RAB11FIP4: variants seen among roughly 807,000 people sequenced by gnomAD.
RAB11FIP4 encodes the protein rab11 family-interacting protein 4.
A neutral mutation model predicts 74.3 loss-of-function variants in RAB11FIP4; 23 were observed. The ratio of observed to expected loss-of-function variants is 0.31; its 90% CI spans 0.22 to 0.44. The LOEUF (loss-of-function observed/expected upper bound fraction) is 0.44, where lower values mean the gene tolerates loss of function less well. RAB11FIP4 is among the 20% of genes least tolerant of loss of function. The probability of loss-of-function intolerance (pLI) is 1.00; values close to 1 mark genes in which losing one functional copy is unlikely to be tolerated. For missense variants in RAB11FIP4, 630 were observed against 863.9 expected (o/e 0.73, Z 3.39); for synonymous variants, 360 against 359.9 (o/e 1.00, Z 0.00).
intron 3 of RAB11FIP4, among the ~76,000 whole-genome samples, chr17:31,466,342 G>A (rs2071686190): frequency 6.6e-6 from 1 of 152,182 alleles, no homozygotes; most frequent in Non-Finnish European, 1.5e-5. Context: ...TGACCTTAAT[G>A]TGTTTCTTCC....
chr17:31,488,183 C>T, intron 3 of RAB11FIP4: 1 of 1,082,372 alleles, frequency 9.2e-7, no homozygotes. Context: ...CGCCGCGTCC[C>T]CGCGCGCCGC....
intron 3 of RAB11FIP4, among the ~76,000 whole-genome samples, chr17:31,452,604 G>C (rs2071536814): frequency 6.6e-6 from 1 of 152,172 alleles, no homozygotes. Context: ...GTAACTTGCA[G>C]GTCCTGTGCC....
intron 1 of RAB11FIP4, among the ~76,000 whole-genome samples, chr17:31,403,920 G>A (rs567953241): frequency 7.9e-4 from 121 of 152,274 alleles, no homozygotes; most frequent in South Asian, 1.2e-3. Context: ...TGGGAAATGC[G>A]CAGATCAGAA....
At chr17:31,451,322 G>A in intron 3 of RAB11FIP4, among the ~76,000 whole-genome samples, 1 of 151,984 alleles carries the variant, frequency 6.6e-6, no homozygotes. Flanking sequence ...AGCTGGCCAT[G>A]GTGGCAGGCG....
chr17:31,459,771 A>T (rs2071617191), intron 3 of RAB11FIP4, among the ~76,000 whole-genome samples: 1 of 102,342 alleles, frequency 9.8e-6, no homozygotes, highest in Non-Finnish European at 1.9e-5. Context: ...CAGCCTCTTT[A>T]TCCCCCACCA....
At chr17:31,473,585 C>T (rs1348505867) in intron 3 of RAB11FIP4, among the ~76,000 whole-genome samples, 3 of 152,204 alleles carry the variant, frequency 2.0e-5, no homozygotes, top group East Asian at 1.9e-4. Flanking sequence ...GCACTGGAAT[C>T]GGGAAGAGTT....
chr17:31,425,970 G>T (rs1001428598), intron 1 of RAB11FIP4, among the ~76,000 whole-genome samples: 1 of 152,174 alleles, frequency 6.6e-6, no homozygotes, highest in Admixed American at 6.5e-5. Context: ...CTGGGACCTC[G>T]CTTCACCAAC....
In RAB11FIP4 at chr17:31,532,903, T is replaced by C. The variant is rs1443711760; in HGVS notation, c.*1171T>C. 6.6e-6 allele frequency: 1 copy of C among 152,210 alleles called. No homozygotes were observed. The highest frequency in any genetic ancestry group is 1.5e-5 in the Non-Finnish European group (1 of 68,036). 9.4% of individuals were successfully genotyped at this position (152,210 alleles called of 1,614,324 possible). On this transcript the variant is annotated 3_prime_UTR_variant, in exon 15 of 15. Transcript: ENST00000621161. ...CATCCTTCTGACCCATGGTGGAAAT[T>C]CACACCATGGATTTTTAATGGATCT... is the stretch of plus-strand genomic sequence containing the variant.
rs1218652103 is a variant in RAB11FIP4 at position 31,533,553 on chromosome 17, C to T, written c.*1821C>T. 3 of 152,286 alleles carry T rather than the reference C, an allele frequency of 2.0e-5. No homozygotes were observed. The highest frequency in any genetic ancestry group is 4.4e-5 in the Non-Finnish European group (3 of 68,082). The allele number at this position is 152,286 out of a possible 1,614,324, so 9.4% of individuals were successfully genotyped here. ...CACGGCTGAAAGGAACAAGACAGAT[C>T]CTGACATAGCTTTGGCCTGGGTGTT... is the stretch of plus-strand genomic sequence containing the variant. On this transcript the variant is annotated 3_prime_UTR_variant, in exon 15 of 15. Coordinates refer to ENST00000621161, the MANE Select transcript of RAB11FIP4 (RefSeq NM_032932.6).
intron 3 of RAB11FIP4, among the ~76,000 whole-genome samples, chr17:31,450,017 A>G (rs1597923705): frequency 6.6e-6 from 1 of 152,202 alleles, no homozygotes; most frequent in African/African-American, 2.4e-5. Flanking sequence ...AACACTCGAT[A>G]GTCTCCTAGC....
At chr17:31,436,479 C>T (rs1388847719) in intron 3 of RAB11FIP4, among the ~76,000 whole-genome samples, 1 of 152,154 alleles carries the variant, frequency 6.6e-6, no homozygotes, top group East Asian at 1.9e-4. Flanking sequence ...TCCCTGTAGT[C>T]TTTGGCTGCT....
intron 3 of RAB11FIP4, among the ~76,000 whole-genome samples, chr17:31,516,971 G>A (rs2072563877): frequency 1.3e-5 from 2 of 151,584 alleles, no homozygotes; most frequent in Non-Finnish European, 2.9e-5. Flanking sequence ...AGGCCAAAGT[G>A]AAGTTACAAA....
At chr17:31,442,060 G>A (rs1012358309) in intron 3 of RAB11FIP4, among the ~76,000 whole-genome samples, 17 of 151,650 alleles carry the variant, frequency 1.1e-4, no homozygotes, top group Non-Finnish European at 2.9e-5. Flanking sequence ...GTGCAGTGGT[G>A]CAATCTCGGC....
In RAB11FIP4 at chr17:31,460,640, C is replaced by G. The variant is rs986998934; in HGVS notation, c.336+26518C>G. ...TTAATTTCTTGGACCTCTTCATTTTCTCTCTCCCTCCAAGACTAGTGGTAG... is the reference window on the plus strand; with the variant it reads ...TTAATTTCTTGGACCTCTTCATTTTGTCTCTCCCTCCAAGACTAGTGGTAG... On this transcript the variant is annotated intron_variant, in intron 3 of 14. Transcript: ENST00000621161. Among the ~76,000 whole-genome samples, 67 of 152,166 alleles carry G rather than the reference C, an allele frequency of 4.4e-4. 1 individual carries two copies. The highest frequency in any genetic ancestry group is 1.5e-3 in the African/African-American group (62 of 41,444).
chr17:31,434,155 G>T, intron 3 of RAB11FIP4, 33 bp downstream of exon 3: 1 of 1,506,808 alleles, frequency 6.6e-7, no homozygotes, highest in Non-Finnish European at 9.0e-7. Context: ...GACCTCCATG[G>T]CTCTGCCTCC....
chr17:31,431,595 G>A (rs2071309902), intron 1 of RAB11FIP4: 1 of 508,784 alleles, frequency 2.0e-6, no homozygotes. Context: ...TGTGCTCAGG[G>A]AGGAGCCGGT....
chr17:31,450,912 C>A (rs375447918), intron 3 of RAB11FIP4, among the ~76,000 whole-genome samples: 2 of 152,152 alleles, frequency 1.3e-5, no homozygotes, highest in African/African-American at 2.4e-5. Context: ...CAGTAAATGG[C>A]ACCACCTCCC....
chr17:31,506,356 A>C (rs1012448315), intron 3 of RAB11FIP4, among the ~76,000 whole-genome samples: 1 of 152,244 alleles, frequency 6.6e-6, no homozygotes, highest in Non-Finnish European at 1.5e-5. Context: ...GTCATTAGCA[A>C]AACCATCACT....
chr17:31,403,335 T>G (rs964094094), intron 1 of RAB11FIP4, among the ~76,000 whole-genome samples: 2 of 151,718 alleles, frequency 1.3e-5, no homozygotes, highest in African/African-American at 4.8e-5. Flanking sequence ...TTTCTTTTTT[T>G]TTTTTGAGAT....
Sources: gnomAD v4.1 joint callset for allele counts (sites outside exome capture counted in the v4.1 genomes callset) on GRCh38, gnomAD v4.1.1 for gene constraint, MANE v1.5 for transcripts, NCBI Gene and HGNC (gene_info 2026-07-23, HGNC 2026-07-21) for gene names.